Variants in CNTN4 observed in about 807,000 individuals in gnomAD.
CNTN4 encodes contactin 4, also known as contactin-4.
In CNTN4, 77 loss-of-function variants were observed where a neutral mutation model predicts 122.5. That is an observed-to-expected ratio of 0.63 (90% CI 0.52 to 0.76). CNTN4 has a LOEUF of 0.76. CNTN4 is among the 30% of genes least tolerant of loss of function. The pLI is 0.00. For synonymous variants in CNTN4, 512 were observed against 447.0 expected (o/e 1.15, Z -1.83); for missense variants, 1,256 against 1,259.1 (o/e 1.00, Z 0.04).
chr3:2,302,597 C>G (rs2042564598), intron 2 of CNTN4, among the ~76,000 whole-genome samples: 1 of 152,132 alleles, frequency 6.6e-6, no homozygotes, highest in African/African-American at 2.4e-5. Flanking sequence ...CAAATTAATG[C>G]TCCCGCCTGA....
intron 4 of CNTN4, among the ~76,000 whole-genome samples, chr3:2,682,905 G>GAGTA (rs2150505332): frequency 6.7e-6 from 1 of 150,330 alleles, no homozygotes; most frequent in African/African-American, 2.5e-5. Context: ...ATCCTTCACG[G>GAGTA]AGTAGATTTT....
intron 3 of CNTN4, among the ~76,000 whole-genome samples, chr3:2,376,151 G>T (rs182634840): frequency 1.3e-5 from 2 of 152,154 alleles, no homozygotes; most frequent in Admixed American, 1.3e-4. Context: ...TGTAGCCCCA[G>T]GATTATGTTG....
intron 10 of CNTN4, among the ~76,000 whole-genome samples, chr3:2,891,318 A>T (rs1400149676): frequency 6.6e-6 from 1 of 151,994 alleles, no homozygotes; most frequent in Non-Finnish European, 1.5e-5. Flanking sequence ...GTGGTGGTGC[A>T]TGCCGGTAGT....
intron 3 of CNTN4, among the ~76,000 whole-genome samples, chr3:2,406,209 A>G (rs891471862): frequency 1.3e-5 from 2 of 152,314 alleles, no homozygotes; most frequent in Non-Finnish European, 2.9e-5. Context: ...TCACATTGGA[A>G]AAACCCAGCA....
intron 3 of CNTN4, among the ~76,000 whole-genome samples, chr3:2,359,906 T>C (rs1251180574): frequency 7.2e-5 from 11 of 152,170 alleles, no homozygotes; most frequent in Admixed American, 7.2e-4. Flanking sequence ...TTCTACCAAA[T>C]TCTAAGTATT....
chr3:2,537,397 C>T (rs753053426), intron 3 of CNTN4, among the ~76,000 whole-genome samples: 2 of 152,058 alleles, frequency 1.3e-5, no homozygotes, highest in Non-Finnish European at 2.9e-5. Flanking sequence ...AGAGTCCTTG[C>T]ATTTGTGAGA....
intron 2 of CNTN4, among the ~76,000 whole-genome samples, chr3:2,194,731 G>A (rs1227889367): frequency 6.6e-6 from 1 of 152,152 alleles, no homozygotes; most frequent in Non-Finnish European, 1.5e-5. Context: ...AAAATGCCAT[G>A]TGAAAACAGA....
chr3:2,330,663 G>T (rs919511919), intron 2 of CNTN4, among the ~76,000 whole-genome samples: 1 of 152,138 alleles, frequency 6.6e-6, no homozygotes, highest in Non-Finnish European at 1.5e-5. Context: ...AGGTCACTCA[G>T]CTAGAAAGTG....
At chr3:2,287,739 GA>G (rs2149964855) in intron 2 of CNTN4, among the ~76,000 whole-genome samples, 1 of 126,562 alleles carries the variant, frequency 7.9e-6, no homozygotes, top group South Asian at 2.5e-4. Flanking sequence ...AGAAGAAGAA[GA>G]AGAAGAAGAA....
At chr3:2,901,024 T>C (rs887170104) in intron 11 of CNTN4, among the ~76,000 whole-genome samples, 2 of 152,224 alleles carry the variant, frequency 1.3e-5, no homozygotes, top group African/African-American at 2.4e-5. Flanking sequence ...ATTAAGCTCT[T>C]GCACTAGATC....
chr3:2,579,835 A>G (rs1017030177), intron 4 of CNTN4, among the ~76,000 whole-genome samples: 1 of 152,218 alleles, frequency 6.6e-6, no homozygotes, highest in Non-Finnish European at 1.5e-5. Flanking sequence ...AGTTCCTGTT[A>G]TGGCAATGAT....
At position 2,171,243 on chromosome 3, in the gene CNTN4, A is replaced by G. The variant is rs1163731383; in HGVS notation, c.-145+70604A>G. On this transcript the variant is annotated intron_variant, in intron 2 of 24. Transcript: ENST00000418658. ...TAAAAATGATTTGCTCTTACCAAAA[A>G]TGTTAAAATAACTTTAAATAATGAT... Among the ~76,000 whole-genome samples, 4 of 152,194 alleles carry G rather than the reference A, an allele frequency of 2.6e-5. No homozygotes were observed. The East Asian group carries it at 7.7e-4, about 29-fold the overall frequency.
chr3:2,168,130 C>G (rs1419531309), intron 2 of CNTN4, among the ~76,000 whole-genome samples: 3 of 152,072 alleles, frequency 2.0e-5, no homozygotes, highest in Non-Finnish European at 4.4e-5. Flanking sequence ...AGAGTAAGAC[C>G]TTGCCTCCAT....
intron 2 of CNTN4, among the ~76,000 whole-genome samples, chr3:2,112,905 C>A (rs897018305): frequency 6.6e-6 from 1 of 152,142 alleles, no homozygotes; most frequent in Admixed American, 6.5e-5. Context: ...CTACAGGCTT[C>A]TAGTCATTCA....
At chr3:2,563,387 G>T (rs1294130870) in intron 3 of CNTN4, among the ~76,000 whole-genome samples, 1 of 152,044 alleles carries the variant, frequency 6.6e-6, no homozygotes, top group African/African-American at 2.4e-5. Context: ...AAATCATATT[G>T]TTGTTTACCT....
intron 3 of CNTN4, among the ~76,000 whole-genome samples, chr3:2,484,115 GAAAC>G (rs1458441340): frequency 1.3e-5 from 2 of 151,648 alleles, no homozygotes; most frequent in Non-Finnish European, 2.9e-5. Context: ...CAACAATCAG[GAAAC>G]AAACAACAAA....
intron 13 of CNTN4, among the ~76,000 whole-genome samples, chr3:2,938,631 G>A (rs1419985821): frequency 6.6e-6 from 1 of 152,230 alleles, no homozygotes; most frequent in East Asian, 1.9e-4. Flanking sequence ...TTACCTCCCT[G>A]GCATAGGACT....
At chr3:2,906,285 G>A (rs1423288824) in intron 12 of CNTN4, among the ~76,000 whole-genome samples, 2 of 152,130 alleles carry the variant, frequency 1.3e-5, no homozygotes, top group African/African-American at 4.8e-5. Context: ...GATGATTATA[G>A]TTAATAACAA....
rs1035465345 is a variant in CNTN4, at chr3:2,762,582, C to T, written c.358+16885C>T. On this transcript the variant is annotated intron_variant, in intron 6 of 24. Transcript: ENST00000418658. ...TTTCTTTATCAGTCTATCATTGATG[C>T]GCTTTTAGGTTGATTCCGTGTCTTT... 5.3e-5 allele frequency among the ~76,000 whole-genome samples: 8 copies of T among 152,120 alleles called. No individual in the cohort carries two copies. The South Asian group carries it at 8.3e-4, about 16-fold the overall frequency.
Sources: allele counts gnomAD v4.1 joint callset (sites outside exome capture counted in the v4.1 genomes callset), GRCh38; gene constraint gnomAD v4.1.1; transcripts MANE v1.5; gene names NCBI Gene and HGNC (gene_info 2026-07-23, HGNC 2026-07-21).